DIO2: variants seen among roughly 807,000 people sequenced by gnomAD.
DIO2 encodes type II iodothyronine deiodinase.
A neutral mutation model predicts 21.4 loss-of-function variants in DIO2; 19 were observed. That is an observed-to-expected ratio of 0.89 (90% CI 0.62 to 1.30). The LOEUF is 1.30. Among genes scored for constraint, DIO2 ranks in the 50% most tolerant of loss-of-function variants. DIO2 has a pLI of 0.00. For synonymous variants in DIO2, 122 were observed against 132.9 expected (o/e 0.92, Z 0.57); for missense variants, 302 against 338.1 (o/e 0.89, Z 0.84).
chr14:80,199,955 G>A lies in DIO2; in HGVS notation c.*2734C>T, dbSNP rs1014928520. The A allele has an allele frequency of 1.3e-5, 2 of 152,516 alleles. No homozygotes were observed. Among genetic ancestry groups the A allele is most frequent in the South Asian group, 2.1e-4 (1 of 4,812 alleles). The allele number at this position is 152,516 out of a possible 1,614,324, so 9.4% of individuals were successfully genotyped here. ...ACAAACCTTATAAAACACATGAAAC[G>A]CACATGAGTATTGGCAATCTAATAA... On this transcript the variant is annotated 3_prime_UTR_variant, in exon 2 of 2. Transcript: ENST00000438257.
chr14:80,227,702 T>C (rs978677609), intron 2 of DIO2, among the ~76,000 whole-genome samples: 1 of 152,200 alleles, frequency 6.6e-6, no homozygotes, highest in Non-Finnish European at 1.5e-5. Context: ...TTGGGTCATA[T>C]GGCCCAAGTG....
intron 1 of DIO2, among the ~76,000 whole-genome samples, chr14:80,207,697 A>G (rs1372942858): frequency 4.6e-5 from 7 of 152,234 alleles, no homozygotes; most frequent in Admixed American, 2.0e-4. Flanking sequence ...CAGATTGGCC[A>G]AATAAATCAG....
chr14:80,198,990 C>CGGGTGG lies in DIO2; in HGVS notation c.*3693_*3698dup, dbSNP rs1887604624. On this transcript the variant is annotated 3_prime_UTR_variant, in exon 2 of 2. Transcript: ENST00000438257. ...ATTTTCCAAACCATCAGTCAGAGGT[C>CGGGTGG]GGGTGGAACAAATGTCCAGATTCAT... 6.6e-6 allele frequency: 1 copy of CGGGTGG among 152,100 alleles called. No individual in the cohort carries two copies. Among genetic ancestry groups the CGGGTGG allele is most frequent in the African/African-American group, 2.4e-5 (1 of 41,398 alleles). 9.4% of individuals were successfully genotyped at this position (152,100 alleles called of 1,614,324 possible).
intron 1 of DIO2, 137 bp from the exon 2 acceptor site, chr14:80,203,425 A>T (rs1270613697): frequency 9.3e-7 from 1 of 1,077,830 alleles, no homozygotes; most frequent in South Asian, 1.9e-5. Flanking sequence ...AGCATTTGGT[A>T]AACATTTATT....
intron 2 of DIO2, among the ~76,000 whole-genome samples, chr14:80,229,742 T>G (rs1280534868): frequency 2.6e-5 from 4 of 152,200 alleles, no homozygotes; most frequent in Admixed American, 1.3e-4. Flanking sequence ...GCTGCAACAT[T>G]AAATGCAGAG....
chr14:80,209,371 A>G (rs1047771111), intron 1 of DIO2, among the ~76,000 whole-genome samples: 1 of 151,570 alleles, frequency 6.6e-6, no homozygotes, highest in Non-Finnish European at 1.5e-5. Flanking sequence ...TTTACTTTAT[A>G]GGCAAAAGGC....
At chr14:80,225,289 A>C (rs774511195) in intron 2 of DIO2, among the ~76,000 whole-genome samples, 1 of 152,148 alleles carries the variant, frequency 6.6e-6, no homozygotes, top group Non-Finnish European at 1.5e-5. Context: ...ATCTCCTGAG[A>C]TCACACATAG....
In DIO2 at chr14:80,199,766, C is replaced by G. The variant is rs1169370015; in HGVS notation, c.*2923G>C. ...GCTAATGAAGCTTAAAAGGCTAAAC[C>G]GATAGCTCCATGTAAACACAGCCTA... On this transcript the variant is annotated 3_prime_UTR_variant, in exon 2 of 2. Coordinates refer to ENST00000438257, the MANE Select transcript of DIO2 (RefSeq NM_013989.5). 1.3e-5 allele frequency: 2 copies of G among 152,586 alleles called. No homozygotes were observed. Among genetic ancestry groups the G allele is most frequent in the South Asian group, 4.2e-4 (2 of 4,812 alleles). 9.5% of individuals were successfully genotyped at this position (152,586 alleles called of 1,614,324 possible).
chr14:80,228,831 G>A (rs1008697958), intron 2 of DIO2, among the ~76,000 whole-genome samples: 46 of 152,134 alleles, frequency 3.0e-4, no homozygotes, highest in African/African-American at 1.1e-3. Flanking sequence ...ACTTTAACTG[G>A]AGGACCACAA....
intron 1 of DIO2, among the ~76,000 whole-genome samples, chr14:80,210,236 G>T (rs1469668870): frequency 6.6e-6 from 1 of 152,132 alleles, no homozygotes; most frequent in African/African-American, 2.4e-5. Flanking sequence ...GAAGTCATAT[G>T]GGCATAGCAG....
intron 2 of DIO2, among the ~76,000 whole-genome samples, chr14:80,227,232 T>C (rs1379168124): frequency 6.6e-6 from 1 of 152,086 alleles, no homozygotes; most frequent in Non-Finnish European, 1.5e-5. Flanking sequence ...TAACTGATCA[T>C]AGGGAACTGC....
rs946895789 is a variant in DIO2, at chr14:80,219,015, C to T, written c.-277-2278G>A. ...GAAAAAAATGCAATGTCTGCCAATA[C>T]TTTGGGTACTACTTTGCATGCTCTT... is the stretch of plus-strand genomic sequence containing the variant. On this transcript the variant is annotated intron_variant, in intron 2 of 4. Transcript: ENST00000553594. Among the ~76,000 whole-genome samples, 3 of 152,158 alleles carry T rather than the reference C, an allele frequency of 2.0e-5. 1 individual carries two copies. The highest frequency in any genetic ancestry group is 7.2e-5 in the African/African-American group (3 of 41,442).
intron 2 of DIO2, among the ~76,000 whole-genome samples, chr14:80,230,069 A>C (rs936653599): frequency 6.6e-6 from 1 of 152,154 alleles, no homozygotes; most frequent in Non-Finnish European, 1.5e-5. Context: ...CTGTTGCCTC[A>C]GGCAGCATAG....
rs779952827 is a variant in DIO2, at chr14:80,211,323, C to G, written c.150G>C (p.Glu50Asp). ...CCTCTGAGGTCAGCATGCGCCGCCA[C>G]TCTCCGCGAGTGGACTTGGAGCGGC... ...LLSRSKSTRG[E>D]WRRMLTSEGL... The change falls in exon 1 of 2, where the codon GAG becomes GAC. Residue 50 changes from glutamate to aspartate, a missense_variant. Glu to Asp is a conservative substitution (Grantham distance 45, BLOSUM62 2). Transcript: ENST00000438257. 1.2e-6 allele frequency: 2 copies of G among 1,613,794 alleles called. No individual in the cohort carries two copies. The highest frequency in any genetic ancestry group is 1.7e-6 in the Non-Finnish European group (2 of 1,179,888).
chr14:80,203,995 C>T (rs1326052849), intron 1 of DIO2, among the ~76,000 whole-genome samples: 1 of 152,200 alleles, frequency 6.6e-6, no homozygotes, highest in Non-Finnish European at 1.5e-5. Context: ...TGCACTGTAA[C>T]TCTATGGGTG....
At chr14:80,221,643 C>T (rs1044843394) in intron 2 of DIO2, among the ~76,000 whole-genome samples, 1 of 152,086 alleles carries the variant, frequency 6.6e-6, no homozygotes, top group African/African-American at 2.4e-5. Context: ...AAGAATCTGA[C>T]AACTGTGATA....
At chr14:80,222,184 A>G (rs1390043178) in intron 2 of DIO2, among the ~76,000 whole-genome samples, 1 of 152,216 alleles carries the variant, frequency 6.6e-6, no homozygotes, top group Non-Finnish European at 1.5e-5. Context: ...CTATATTGAA[A>G]AAAATATTCA....
upstream of DIO2, among the ~76,000 whole-genome samples, chr14:80,215,008 T>C (rs1043724901): frequency 6.6e-6 from 1 of 152,242 alleles, no homozygotes; most frequent in African/African-American, 2.4e-5. Context: ...TGGCAAAGGC[T>C]GTGAGGACTT....
At chr14:80,205,851 C>G (rs1887933854) in intron 1 of DIO2, 3 of 526,918 alleles carry the variant, frequency 5.7e-6, no homozygotes. Context: ...TGAATGAATG[C>G]TAGTTGTTAT....
Sources: allele counts gnomAD v4.1 joint callset (sites outside exome capture counted in the v4.1 genomes callset), GRCh38; gene constraint gnomAD v4.1.1; transcripts MANE v1.5; gene names NCBI Gene and HGNC (gene_info 2026-07-23, HGNC 2026-07-21).